SDHB: variants seen among roughly 807,000 people sequenced by gnomAD.
The protein encoded by SDHB is succinate dehydrogenase [ubiquinone] iron-sulfur subunit, mitochondrial.
A neutral mutation model predicts 39.7 loss-of-function variants in SDHB; 21 were observed. That is an observed-to-expected ratio of 0.53 (90% CI 0.37 to 0.76). The LOEUF (loss-of-function observed/expected upper bound fraction) is 0.76, where lower values mean the gene tolerates loss of function less well. Among genes scored for constraint, SDHB ranks in the 30% least tolerant of loss-of-function variants. The pLI is 0.00. For synonymous variants in SDHB, 118 were observed against 117.0 expected (o/e 1.01, Z -0.06); for missense variants, 343 against 350.9 (o/e 0.98, Z 0.18).
chr1:17,038,841 T>C (rs1054275715), intron 2 of SDHB, among the ~76,000 whole-genome samples: 3 of 152,360 alleles, frequency 2.0e-5, no homozygotes, highest in East Asian at 3.9e-4. Flanking sequence ...GTGAAAATTA[T>C]TTAACCCATT....
At position 17,027,808 on chromosome 1, in the gene SDHB, CCTT is replaced by C. The variant is rs1173714647; in HGVS notation, c.478_480del (p.Lys160del). On this transcript the variant is annotated inframe_deletion, in exon 5 of 8. Coordinates refer to ENST00000375499, the MANE Select transcript of SDHB (RefSeq NM_003000.3). ...TGCTGCTTGCCTTCCTGAGATTCAT[CCTT>C]CTTCTTCAAATAAGGCTCAATGGAT... 1.3e-5 allele frequency: 21 copies of C among 1,613,678 alleles called. No individual in the cohort carries two copies. The highest frequency in any genetic ancestry group is 4.0e-5 in the African/African-American group (3 of 74,908).
intron 2 of SDHB, among the ~76,000 whole-genome samples, chr1:17,035,257 CCCTT>C (rs2078044645): frequency 6.6e-6 from 1 of 152,062 alleles, no homozygotes; most frequent in Non-Finnish European, 1.5e-5. Context: ...CAGACCACTG[CCCTT>C]CCTGAGGTCT....
chr1:17,019,093 C>T (rs1378097053), intron 7 of SDHB, 135 bp from the exon 8 acceptor site: 5 of 746,358 alleles, frequency 6.7e-6, no homozygotes, highest in Non-Finnish European at 1.2e-5. Flanking sequence ...TCCCTCAAAA[C>T]CATAGGGGTT....
intron 3 of SDHB, among the ~76,000 whole-genome samples, chr1:17,031,321 A>G (rs1358832078): frequency 6.6e-6 from 1 of 152,186 alleles, no homozygotes; most frequent in Non-Finnish European, 1.5e-5. Context: ...CTTTCTCTCA[A>G]AAAGGCTCCC....
intron 7 of SDHB, 44 bp downstream of exon 7, chr1:17,022,564 G>C (rs781329558): frequency 6.2e-7 from 1 of 1,611,008 alleles, no homozygotes; most frequent in South Asian, 1.1e-5. Context: ...TACTTCTGGC[G>C]TGTCAGCTCT....
At chr1:17,040,887 T>C (rs1445548098) in intron 2 of SDHB, among the ~76,000 whole-genome samples, 1 of 152,132 alleles carries the variant, frequency 6.6e-6, no homozygotes, top group African/African-American at 2.4e-5. Context: ...CCCAGCACTT[T>C]GGGAGGCCGA....
intron 1 of SDHB, among the ~76,000 whole-genome samples, chr1:17,048,868 G>A (rs979449674): frequency 6.6e-6 from 1 of 151,778 alleles, no homozygotes; most frequent in Non-Finnish European, 1.5e-5. Flanking sequence ...CTGCCACCAC[G>A]CCGAGCTAAT....
In SDHB at chr1:17,018,906, T is replaced by A. The variant is rs773523792; in HGVS notation, c.818A>T (p.Tyr273Phe). Reference sequence around the variant, plus strand: ...TTAAACTGAAGCTTTCTTCTCCTTATAGGTTGCCATCATTTTCTTGATCTC... The same window carrying A: ...TTAAACTGAAGCTTTCTTCTCCTTAAAGGTTGCCATCATTTTCTTGATCTC... ...IAEIKKMMAT[Y>F]KEKKASV Residue 273 changes from tyrosine (Y) to phenylalanine (F), a missense_variant, in exon 8 of 8, where the codon TAT becomes TTT. Transcript: ENST00000375499. The A allele has an allele frequency of 1.2e-6, 2 of 1,612,974 alleles. No individual in the cohort carries two copies. The highest frequency in any genetic ancestry group is 3.3e-5 in the Admixed American group (2 of 60,014).
intron 3 of SDHB, among the ~76,000 whole-genome samples, chr1:17,030,095 G>A (rs181313162): frequency 0.01 from 1,589 of 152,168 alleles, 7 homozygotes; most frequent in Non-Finnish European, 0.016. Flanking sequence ...AGGGTGAGGC[G>A]GGAGAATCAT....
rs1278834014 is a variant in SDHB at position 17,023,973 on chromosome 1, C to G, written c.642G>C (p.Gln214His). The change falls in exon 6 of 8, where the codon CAG (glutamine) becomes CAC (histidine). Residue 214 changes from glutamine to histidine, a missense_variant and splice_region_variant. By Grantham distance (24) the Gln-to-His change is conservative. Coordinates refer to ENST00000375499, the MANE Select transcript of SDHB (RefSeq NM_003000.3). ...DKYLGPAVLMQAYRWMIDSRD... is the reference protein window; with the variant it reads ...DKYLGPAVLMHAYRWMIDSRD... ...TTAAAGCAATTAAGGAGCACCTCAC[C>G]TGCATAAGAACTGCAGGCCCCAGAT... 1 of 1,609,708 alleles carries G rather than the reference C, an allele frequency of 6.2e-7. No homozygotes were observed. The highest frequency in any genetic ancestry group is 8.5e-7 in the Non-Finnish European group (1 of 1,176,214).
chr1:17,048,954 G>A (rs868412105), intron 1 of SDHB, among the ~76,000 whole-genome samples: 10 of 152,038 alleles, frequency 6.6e-5, no homozygotes, highest in African/African-American at 2.2e-4. Flanking sequence ...CAGGTGATCC[G>A]CCTGCCTTGG....
At chr1:17,023,830 C>T (rs917520709) in intron 6 of SDHB, 143 bp downstream of exon 6, 8 of 707,878 alleles carry the variant, frequency 1.1e-5, no homozygotes, top group Middle Eastern at 3.7e-4. Context: ...GAATACAATG[C>T]AACCAATTAC....
intron 7 of SDHB, among the ~76,000 whole-genome samples, chr1:17,019,510 AC>A (rs1252212442): frequency 1.3e-5 from 2 of 152,124 alleles, no homozygotes; most frequent in African/African-American, 4.8e-5. Flanking sequence ...TGCAGGAGGC[AC>A]AATAATTAAA....
At chr1:17,030,393 T>A (rs537816826) in intron 3 of SDHB, among the ~76,000 whole-genome samples, 3 of 152,220 alleles carry the variant, frequency 2.0e-5, no homozygotes, top group Non-Finnish European at 2.9e-5. Flanking sequence ...CCTGGGGCTA[T>A]GAAATCCACA....
chr1:17,044,639 G>A, intron 2 of SDHB, 122 bp downstream of exon 2: 15 of 1,238,656 alleles, frequency 1.2e-5, no homozygotes, highest in Non-Finnish European at 1.8e-5. Context: ...GCTCATTCTT[G>A]TTTTAAAAAC....
intron 2 of SDHB, among the ~76,000 whole-genome samples, chr1:17,043,759 G>A (rs181989400): frequency 3.3e-5 from 5 of 152,328 alleles, no homozygotes; most frequent in Non-Finnish European, 5.9e-5. Context: ...GGAAGAAGAG[G>A]CCAAGAGCCA....
At chr1:17,052,987 A>C (rs1385154858) in intron 1 of SDHB, among the ~76,000 whole-genome samples, 1 of 152,136 alleles carries the variant, frequency 6.6e-6, no homozygotes, top group Non-Finnish European at 1.5e-5. Flanking sequence ...TGGGGGCCTC[A>C]AGTTTTCAAA....
rs148115746 is a variant in SDHB, at chr1:17,028,035, A to C, written c.424-170T>G. 2.9e-3 allele frequency among the ~76,000 whole-genome samples: 441 copies of C among 152,312 alleles called. 5 individuals carry two copies. The highest frequency in any genetic ancestry group is 0.01 in the African/African-American group (424 of 41,572). ...GAATATATGCAAAGATTACAAAAGG[A>C]AAAATGGTCACAATGTTAAGCATGG... On this transcript the variant is annotated intron_variant, in intron 4 of 7. Coordinates refer to ENST00000375499, the MANE Select transcript of SDHB (RefSeq NM_003000.3).
At chr1:17,027,520 C>A in intron 5 of SDHB, 1 of 537,626 alleles carries the variant, frequency 1.9e-6, no homozygotes, top group South Asian at 2.0e-5. Flanking sequence ...AACCACCCGC[C>A]CCTGCAGGCG....
Sources: allele counts gnomAD v4.1 joint callset (sites outside exome capture counted in the v4.1 genomes callset), GRCh38; gene constraint gnomAD v4.1.1; transcripts MANE v1.5; gene names NCBI Gene and HGNC (gene_info 2026-07-23, HGNC 2026-07-21).